Variants in EYS observed in about 807,000 individuals in gnomAD.
EYS encodes the protein protein eyes shut homolog.
Under a neutral mutation model 282.1 loss-of-function variants are expected in EYS, and 250 were observed. The observed-to-expected ratio is 0.89, with a 90% CI of 0.80 to 0.98. EYS has a LOEUF of 0.98. EYS is among the 50% of genes least tolerant of loss of function. The probability of loss-of-function intolerance (pLI) is 0.00; values close to 1 mark genes in which losing one functional copy is unlikely to be tolerated. For synonymous variants in EYS, 1,355 were observed against 1,282.9 expected, an observed-to-expected ratio of 1.06 and a Z score of -1.20; for missense variants, 4,016 against 3,709.0, an observed-to-expected ratio of 1.08 and a Z score of -2.15.
intron 31 of EYS, among the ~76,000 whole-genome samples, chr6:64,139,723 C>G (rs544786074): frequency 1.9e-4 from 29 of 152,086 alleles, no homozygotes; most frequent in African/African-American, 7.0e-4. Context: ...GTAATCCCAG[C>G]ACTTTGGGAG....
chr6:65,360,268 A>C (rs1764651903), intron 8 of EYS, among the ~76,000 whole-genome samples: 1 of 151,978 alleles, frequency 6.6e-6, no homozygotes. Flanking sequence ...ATCTTTCAAA[A>C]AGCAATGATG....
intron 12 of EYS, among the ~76,000 whole-genome samples, chr6:65,161,421 G>GA (rs1764848110): frequency 6.6e-6 from 1 of 150,860 alleles, no homozygotes; most frequent in Admixed American, 6.6e-5. Context: ...GCATGAGCCT[G>GA]AATTTATTGC....
At chr6:64,033,524 G>T (rs767188219) in intron 33 of EYS, among the ~76,000 whole-genome samples, 60 of 151,966 alleles carry the variant, frequency 3.9e-4, no homozygotes, top group Non-Finnish European at 6.9e-4. Flanking sequence ...TAATAATAAG[G>T]TTAATTACTG....
chr6:64,051,216 C>A (rs1582201942), intron 33 of EYS, among the ~76,000 whole-genome samples: 3 of 152,226 alleles, frequency 2.0e-5, no homozygotes, highest in Admixed American at 2.0e-4. Context: ...TGTATACTAG[C>A]ACTACATTAA....
At chr6:65,462,305 G>A (rs1764852153) in intron 5 of EYS, among the ~76,000 whole-genome samples, 1 of 152,084 alleles carries the variant, frequency 6.6e-6, no homozygotes, top group Non-Finnish European at 1.5e-5. Context: ...AGGGTTTGGA[G>A]TGAGGGAGAG....
At chr6:65,435,976 G>A (rs1226064442) in intron 5 of EYS, among the ~76,000 whole-genome samples, 8 of 152,072 alleles carry the variant, frequency 5.3e-5, no homozygotes, top group Non-Finnish European at 8.8e-5. Context: ...TCTAGTCTCC[G>A]GAAATGTGAA....
chr6:63,949,258 T>C (rs1185877021), intron 35 of EYS, among the ~76,000 whole-genome samples: 1 of 152,196 alleles, frequency 6.6e-6, no homozygotes, highest in Admixed American at 6.5e-5. Flanking sequence ...TTTAAACTCA[T>C]TAGTCCAGCC....
At chr6:64,433,523 C>A (rs955434660) in intron 28 of EYS, among the ~76,000 whole-genome samples, 6 of 151,856 alleles carry the variant, frequency 4.0e-5, no homozygotes, top group Non-Finnish European at 8.8e-5. Flanking sequence ...TTTATTACTT[C>A]AAACAAACCA....
intron 26 of EYS, among the ~76,000 whole-genome samples, chr6:64,480,957 A>G (rs902154489): frequency 1.3e-5 from 2 of 151,666 alleles, no homozygotes; most frequent in Non-Finnish European, 3.0e-5. Context: ...TATTGATTCA[A>G]ATTAAAGTCA....
chr6:63,740,909 G>A (rs1219636021), intron 41 of EYS, among the ~76,000 whole-genome samples: 13 of 152,118 alleles, frequency 8.5e-5, no homozygotes, highest in African/African-American at 1.9e-4. Context: ...GCTGCTCAAC[G>A]TTTCCTCTGT....
At chr6:64,420,009 GC>G (rs1358712196) in intron 28 of EYS, among the ~76,000 whole-genome samples, 1 of 152,206 alleles carries the variant, frequency 6.6e-6, no homozygotes, top group Non-Finnish European at 1.5e-5. Context: ...TGAGGGCTCT[GC>G]CCCTGAAGCA....
intron 26 of EYS, among the ~76,000 whole-genome samples, chr6:64,545,215 C>T (rs1387745434): frequency 1.3e-5 from 2 of 152,180 alleles, no homozygotes; most frequent in East Asian, 1.9e-4. Flanking sequence ...GCTGGTTCAA[C>T]ATACGCAAAT....
chr6:65,548,200 T>C (rs2127328820), intron 2 of EYS, among the ~76,000 whole-genome samples: 1 of 134,350 alleles, frequency 7.4e-6, no homozygotes, highest in African/African-American at 3.0e-5. Flanking sequence ...GACATGATCA[T>C]ACTTAATGCA....
intron 5 of EYS, among the ~76,000 whole-genome samples, chr6:65,446,040 G>GT (rs1768643287): frequency 6.6e-6 from 1 of 151,534 alleles, no homozygotes; most frequent in African/African-American, 2.4e-5. Flanking sequence ...TAACCCAGAG[G>GT]TTTTTTTAAT....
At chr6:65,310,066 G>T (rs1364622104) in intron 11 of EYS, among the ~76,000 whole-genome samples, 1 of 152,120 alleles carries the variant, frequency 6.6e-6, no homozygotes, top group African/African-American at 2.4e-5. Flanking sequence ...ACTCTTGGCT[G>T]GGCGTGGTGG....
intron 21 of EYS, among the ~76,000 whole-genome samples, chr6:64,819,927 G>T (rs1400866109): frequency 1.3e-5 from 2 of 151,876 alleles, no homozygotes; most frequent in African/African-American, 2.4e-5. Flanking sequence ...AACTACAAAT[G>T]GCAAATAATA....
At position 64,591,883 on chromosome 6, in the gene EYS, A is replaced by T. The variant is rs1282397004; in HGVS notation, c.3984T>A (p.Ile1328=). The T allele has an allele frequency of 4.5e-6, 7 of 1,550,934 alleles. No homozygotes were observed. The highest frequency in any genetic ancestry group is 3.5e-6 in the Non-Finnish European group (4 of 1,146,588). Residue 1328 remains isoleucine, a synonymous_variant, in exon 26 of 43, where the codon ATT becomes ATA. Transcript: ENST00000503581. Reference sequence around the variant, plus strand: ...GTTTTGCTGAAAGCTCTCTAGTGACAATCAGTTCTTGGAGTAAGTAGCTTT... The same window carrying T: ...GTTTTGCTGAAAGCTCTCTAGTGACTATCAGTTCTTGGAGTAAGTAGCTTT... ...PLESYLLQEL[I]VTRELSAKHS... is the part of the protein sequence containing the mutation.
chr6:65,243,878 T>A (rs1767115185), intron 12 of EYS, among the ~76,000 whole-genome samples: 1 of 152,204 alleles, frequency 6.6e-6, no homozygotes, highest in Non-Finnish European at 1.5e-5. Context: ...CACTGAACTC[T>A]AGCCTAGGTG....
intron 36 of EYS, among the ~76,000 whole-genome samples, chr6:63,846,754 G>A (rs545149423): frequency 3.9e-5 from 6 of 152,130 alleles, no homozygotes; most frequent in Non-Finnish European, 7.4e-5. Context: ...ATTCACTGCT[G>A]GCAAAAATCC....
Sources: gnomAD v4.1 joint callset for allele counts (sites outside exome capture counted in the v4.1 genomes callset) on GRCh38, gnomAD v4.1.1 for gene constraint, MANE v1.5 for transcripts, NCBI Gene and HGNC (gene_info 2026-07-23, HGNC 2026-07-21) for gene names.